PDE12: variants seen among roughly 807,000 people sequenced by gnomAD.
PDE12 encodes the protein phosphodiesterase 12.
Under a neutral mutation model 45.4 loss-of-function variants are expected in PDE12, and 26 were observed. The ratio of observed to expected loss-of-function variants is 0.57; its 90% CI spans 0.42 to 0.79. The LOEUF is 0.79. Among genes scored for constraint, PDE12 ranks in the 30% least tolerant of loss-of-function variants. The pLI, the probability that PDE12 is intolerant of heterozygous loss-of-function variation, is 0.00. For synonymous variants in PDE12, 283 were observed against 323.9 expected (o/e 0.87, Z 1.36); for missense variants, 668 against 790.0 (o/e 0.85, Z 1.85).
the PDE12 span, among the ~76,000 whole-genome samples, chr3:57,605,919 C>T: frequency 1.3e-5 from 2 of 152,040 alleles, no homozygotes; most frequent in African/African-American, 4.8e-5. Flanking sequence ...TAAACTTAAA[C>T]TCATAGAAAT....
chr3:57,613,419 A>G, the PDE12 span, among the ~76,000 whole-genome samples: 1 of 149,658 alleles, frequency 6.7e-6, no homozygotes, highest in Non-Finnish European at 1.5e-5. Context: ...TCAGCCTCCC[A>G]AGTAGCTGCG....
the PDE12 span, among the ~76,000 whole-genome samples, chr3:57,652,361 G>C: frequency 6.6e-6 from 1 of 152,128 alleles, no homozygotes; most frequent in Non-Finnish European, 1.5e-5. Flanking sequence ...AGAGAACTGC[G>C]ATCTCCAGCC....
chr3:57,574,871 C>T, the PDE12 span, among the ~76,000 whole-genome samples: 2 of 144,870 alleles, frequency 1.4e-5, no homozygotes, highest in African/African-American at 2.6e-5. Context: ...TTTTTGAGAC[C>T]GAGTTTCGCT....
At position 57,561,149 on chromosome 3, in the gene PDE12, G is replaced by A; in HGVS notation, c.*1145G>A. On this transcript the variant is annotated 3_prime_UTR_variant, in exon 3 of 3. Coordinates refer to ENST00000311180, the MANE Select transcript of PDE12 (RefSeq NM_177966.7). ...GATCCCATTGTCTTCAGTTACTCTT[G>A]CCCATGAAAAATGTTCATAAATGAA... 5.1e-6 allele frequency: 5 copies of A among 985,126 alleles called. No homozygotes were observed. The highest frequency in any genetic ancestry group is 6.0e-6 in the Non-Finnish European group (5 of 829,374). The allele number at this position is 985,126 out of a possible 1,614,324, so 61.0% of individuals were successfully genotyped here. A position where few individuals can be genotyped will look rare whatever the true frequency, so the allele number is the denominator to read the frequency against.
chr3:57,584,385 A>G, the PDE12 span: 1 of 1,606,234 alleles, frequency 6.2e-7, no homozygotes, highest in Non-Finnish European at 8.5e-7. Flanking sequence ...CTTTCTTACC[A>G]ATGGTAGGAA....
At chr3:57,582,164 T>A in the PDE12 span, among the ~76,000 whole-genome samples, 58,833 of 152,146 alleles carry the variant, frequency 0.39, 12,721 homozygotes, top group South Asian at 0.56. Flanking sequence ...ACATTTTCCA[T>A]AAGGAAGCTT....
chr3:57,572,992 G>A, the PDE12 span, among the ~76,000 whole-genome samples: 1 of 151,872 alleles, frequency 6.6e-6, no homozygotes, highest in Non-Finnish European at 1.5e-5. Flanking sequence ...CATGAGGTCA[G>A]GAGATCGAGA....
the PDE12 span, among the ~76,000 whole-genome samples, chr3:57,647,105 G>C: frequency 1.3e-5 from 2 of 152,166 alleles, no homozygotes; most frequent in African/African-American, 4.8e-5. Flanking sequence ...AGTAGATTAG[G>C]GGGGAAAATC....
At chr3:57,613,509 G>C in the PDE12 span, among the ~76,000 whole-genome samples, 1 of 151,148 alleles carries the variant, frequency 6.6e-6, no homozygotes, top group African/African-American at 2.4e-5. Flanking sequence ...GGTCAGGCTG[G>C]TCTGGAACTC....
At chr3:57,618,561 A>G in the PDE12 span, among the ~76,000 whole-genome samples, 5 of 149,660 alleles carry the variant, frequency 3.3e-5, no homozygotes, top group Non-Finnish European at 5.9e-5. Context: ...AGCTGGGACT[A>G]CAGGCATGAA....
chr3:57,575,564 G>C, the PDE12 span: 1 of 1,613,046 alleles, frequency 6.2e-7, no homozygotes, highest in Non-Finnish European at 8.5e-7. Context: ...GTTACGAAGA[G>C]ACTGAAGCCC....
At chr3:57,589,656 TA>T in the PDE12 span, among the ~76,000 whole-genome samples, 357 of 143,516 alleles carry the variant, frequency 2.5e-3, 1 homozygote, top group Non-Finnish European at 3.8e-3. Flanking sequence ...AGGTGGAGGT[TA>T]CAGTGAGCCC....
the PDE12 span, among the ~76,000 whole-genome samples, chr3:57,572,721 T>C: frequency 6.6e-6 from 1 of 152,080 alleles, no homozygotes; most frequent in Non-Finnish European, 1.5e-5. Context: ...TAGACAAGAT[T>C]TTCCCCCCTC....
chr3:57,631,947 C>A, the PDE12 span, among the ~76,000 whole-genome samples: 2 of 148,578 alleles, frequency 1.3e-5, no homozygotes, highest in Non-Finnish European at 3.0e-5. Context: ...TGGTCTTGAT[C>A]TCCTGACCTC....
chr3:57,575,850 C>G, the PDE12 span, among the ~76,000 whole-genome samples: 1 of 152,174 alleles, frequency 6.6e-6, no homozygotes, highest in Non-Finnish European at 1.5e-5. Context: ...AAATCCAGAG[C>G]AAACAATCAT....
chr3:57,606,500 A>C, the PDE12 span, among the ~76,000 whole-genome samples: 1 of 152,206 alleles, frequency 6.6e-6, no homozygotes, highest in Non-Finnish European at 1.5e-5. Context: ...TTCAGGCAAA[A>C]GAAAAATGAC....
Position 57,560,914 on chromosome 3 carries a change from A to C in PDE12, c.*910A>C. 1 of 984,864 alleles carries C rather than the reference A, an allele frequency of 1.0e-6. No homozygotes were observed. Among genetic ancestry groups the C allele is most frequent in the Non-Finnish European group, 1.2e-6 (1 of 828,978 alleles). The allele number at this position is 984,864 out of a possible 1,614,324, so 61.0% of individuals were successfully genotyped here. A position where few individuals can be genotyped will look rare whatever the true frequency, so the allele number is the denominator to read the frequency against. On this transcript the variant is annotated 3_prime_UTR_variant, in exon 3 of 3. Transcript: ENST00000311180. The stretch of plus-strand genomic sequence containing the variant: ...AATTTCAGAGCTTTAACAAAAGATA[A>C]AAATAAATCGTCACCAATTGTTATT...
the PDE12 span, among the ~76,000 whole-genome samples, chr3:57,576,905 G>A: frequency 6.6e-6 from 1 of 152,014 alleles, no homozygotes; most frequent in Non-Finnish European, 1.5e-5. Context: ...AAATGGAACC[G>A]ATGACCTTGG....
the PDE12 span, among the ~76,000 whole-genome samples, chr3:57,622,100 C>T: frequency 2.6e-4 from 39 of 152,206 alleles, no homozygotes; most frequent in South Asian, 3.3e-3. Context: ...CACTTGAACC[C>T]GGGAGGTGGA....
Sources: allele counts gnomAD v4.1 joint callset (sites outside exome capture counted in the v4.1 genomes callset), GRCh38; gene constraint gnomAD v4.1.1; transcripts MANE v1.5; gene names NCBI Gene and HGNC (gene_info 2026-07-23, HGNC 2026-07-21).